Variants in ATP8A2 observed in about 807,000 individuals in gnomAD.
ATP8A2 encodes phospholipid-transporting ATPase IB.
Under a neutral mutation model 165.6 loss-of-function variants are expected in ATP8A2, and 100 were observed. The ratio of observed to expected loss-of-function variants is 0.60; its 90% CI spans 0.51 to 0.71. ATP8A2 has a LOEUF of 0.71. Among genes scored for constraint, ATP8A2 ranks in the 30% least tolerant of loss-of-function variants. ATP8A2 has a pLI of 0.00. For synonymous variants in ATP8A2, 543 were observed against 548.8 expected, an observed-to-expected ratio of 0.99 and a Z score of 0.15; for missense variants, 1,227 against 1,479.5, an observed-to-expected ratio of 0.83 and a Z score of 2.80.
At chr13:25,616,357 G>A (rs948054392) in intron 24 of ATP8A2, among the ~76,000 whole-genome samples, 5 of 121,076 alleles carry the variant, frequency 4.1e-5, no homozygotes, top group African/African-American at 1.3e-4. Context: ...TTGAGACAGA[G>A]TGTTGCTGTT....
At chr13:25,688,108 C>T (rs373302201) in intron 24 of ATP8A2, among the ~76,000 whole-genome samples, 1 of 63,524 alleles carries the variant, frequency 1.6e-5, no homozygotes. Context: ...TGGCTGTTTT[C>T]GTGCTGTTGT....
At chr13:25,615,606 G>A (rs1344371669) in intron 24 of ATP8A2, among the ~76,000 whole-genome samples, 1 of 152,142 alleles carries the variant, frequency 6.6e-6, no homozygotes, top group Non-Finnish European at 1.5e-5. Flanking sequence ...TACAAATTCA[G>A]CTGGAGGTCT....
At position 25,520,610 on chromosome 13, in the gene ATP8A2, T is replaced by G. The variant is rs28840437; in HGVS notation, c.222-9389T>G. Among the ~76,000 whole-genome samples the G allele has an allele frequency of 3.8e-3, 573 of 149,436 alleles. 1 individual carries two copies. Among genetic ancestry groups the G allele is most frequent in the South Asian group, 0.018 (82 of 4,676 alleles). On this transcript the variant is annotated intron_variant, in intron 2 of 36. Transcript: ENST00000381655. ...TTTTTAGTTTTTTTTTTTTTTGTTT[T>G]TTTTTTTTGAGATGGAGTCTTGCTC...
intron 24 of ATP8A2, among the ~76,000 whole-genome samples, chr13:25,698,251 G>C (rs1467225172): frequency 6.6e-6 from 1 of 150,542 alleles, no homozygotes; most frequent in Admixed American, 6.6e-5. Context: ...AAAGAAACAG[G>C]GTCTCACTGT....
intron 2 of ATP8A2, among the ~76,000 whole-genome samples, chr13:25,522,013 AT>A: frequency 6.6e-6 from 1 of 152,126 alleles, no homozygotes; most frequent in South Asian, 2.1e-4. Flanking sequence ...GAAGAATATC[AT>A]TGGTATTTTT....
At chr13:25,932,743 G>A (rs992249344) in intron 33 of ATP8A2, among the ~76,000 whole-genome samples, 1 of 152,216 alleles carries the variant, frequency 6.6e-6, no homozygotes, top group African/African-American at 2.4e-5. Context: ...AGTCAGTTAT[G>A]AGGTTTAGAC....
intron 33 of ATP8A2, chr13:25,927,112 T>C (rs1479595458): frequency 1.1e-5 from 5 of 456,388 alleles, no homozygotes; most frequent in Non-Finnish European, 2.2e-5. Context: ...TTCCTGTAGC[T>C]CACATGCATG....
At chr13:25,856,249 T>C (rs898012375) in intron 30 of ATP8A2, among the ~76,000 whole-genome samples, 2 of 152,208 alleles carry the variant, frequency 1.3e-5, no homozygotes, top group African/African-American at 4.8e-5. Context: ...TTCATCGCTA[T>C]GTTTTATCAT....
chr13:25,487,847 C>CTT (rs796393091), intron 2 of ATP8A2, among the ~76,000 whole-genome samples: 1 of 146,734 alleles, frequency 6.8e-6, no homozygotes, highest in African/African-American at 2.5e-5. Flanking sequence ...CTCTTTCTTT[C>CTT]TTTTTTTTTT....
At chr13:25,685,741 C>T (rs2042587574) in intron 24 of ATP8A2, among the ~76,000 whole-genome samples, 3 of 152,240 alleles carry the variant, frequency 2.0e-5, no homozygotes, top group South Asian at 2.1e-4. Flanking sequence ...GGGTGCTGGG[C>T]CTCGCTGGCC....
chr13:26,014,280 A>G (rs561676439), intron 36 of ATP8A2, among the ~76,000 whole-genome samples: 1 of 152,324 alleles, frequency 6.6e-6, no homozygotes, highest in East Asian at 1.9e-4. Context: ...ACAGCTGCAC[A>G]GAAAGCCAAT....
chr13:25,555,187 A>T (rs1184495946), intron 13 of ATP8A2, 119 bp downstream of exon 13: 18 of 699,824 alleles, frequency 2.6e-5, no homozygotes, highest in African/African-American at 2.5e-4. Context: ...TGGCTAGAAC[A>T]TCTGAAGAGC....
intron 2 of ATP8A2, among the ~76,000 whole-genome samples, chr13:25,487,168 A>T (rs1332212685): frequency 6.6e-6 from 1 of 152,150 alleles, no homozygotes; most frequent in Non-Finnish European, 1.5e-5. Context: ...GTCTTTGCAG[A>T]ATGATGTCAG....
intron 24 of ATP8A2, among the ~76,000 whole-genome samples, chr13:25,601,374 G>GT (rs2040381660): frequency 1.3e-5 from 2 of 152,236 alleles, no homozygotes; most frequent in Non-Finnish European, 2.9e-5. Context: ...TGAATACGAT[G>GT]TTTTCATGTG....
At chr13:25,712,724 A>G (rs1050711673) in intron 25 of ATP8A2, among the ~76,000 whole-genome samples, 4 of 152,224 alleles carry the variant, frequency 2.6e-5, no homozygotes, top group Admixed American at 2.0e-4. Flanking sequence ...ATGTATTAAA[A>G]ATTCTTACTG....
At chr13:25,582,259 A>G (rs905776303) in intron 23 of ATP8A2, among the ~76,000 whole-genome samples, 2 of 152,252 alleles carry the variant, frequency 1.3e-5, no homozygotes, top group Non-Finnish European at 1.5e-5. Flanking sequence ...GTCTGAGACT[A>G]AGAGAGCATG....
At chr13:25,536,076 T>C (rs1157680516) in intron 6 of ATP8A2, among the ~76,000 whole-genome samples, 1 of 152,182 alleles carries the variant, frequency 6.6e-6, no homozygotes, top group Non-Finnish European at 1.5e-5. Flanking sequence ...TTCTGATTTT[T>C]ATATGTAATT....
chr13:25,587,042 C>T (rs145261783), intron 23 of ATP8A2, among the ~76,000 whole-genome samples: 2 of 152,274 alleles, frequency 1.3e-5, no homozygotes, highest in African/African-American at 4.8e-5. Flanking sequence ...AGGTTCTCCT[C>T]TCAGTCATTT....
chr13:25,616,612 G>A (rs896549231), intron 24 of ATP8A2, among the ~76,000 whole-genome samples: 3 of 152,138 alleles, frequency 2.0e-5, no homozygotes, highest in Non-Finnish European at 4.4e-5. Flanking sequence ...GATTATAGGC[G>A]TGAACCATGA....
Sources: gnomAD v4.1 joint callset for allele counts (sites outside exome capture counted in the v4.1 genomes callset) on GRCh38, gnomAD v4.1.1 for gene constraint, MANE v1.5 for transcripts, NCBI Gene and HGNC (gene_info 2026-07-23, HGNC 2026-07-21) for gene names.